Variants in C11orf58 observed in about 807,000 individuals in gnomAD.
The protein encoded by C11orf58 is small acidic protein.
Under a neutral mutation model 22.7 loss-of-function variants are expected in C11orf58, and 5 were observed. That is an observed-to-expected ratio of 0.22 (90% confidence interval 0.12 to 0.46). C11orf58 has a LOEUF of 0.46. C11orf58 is among the 20% of genes least tolerant of loss of function. The pLI is 0.99. For missense variants in C11orf58, 151 were observed against 223.3 expected (o/e 0.68, Z 2.06); for synonymous variants, 71 against 70.7 (o/e 1.00, Z -0.02).
Position 16,748,084 on chromosome 11 carries a change from A to G in C11orf58, c.148-13A>G. 1.9e-6 allele frequency: 3 copies of G among 1,605,958 alleles called. No homozygotes were observed. The highest frequency in any genetic ancestry group is 1.7e-6 in the Non-Finnish European group (2 of 1,172,882). Reference sequence around the variant, plus strand: ...TGGTCTCAAATGCTAATACATTTTCAACCTTCTTATAGAAAGAACATACTG... The same window carrying G: ...TGGTCTCAAATGCTAATACATTTTCGACCTTCTTATAGAAAGAACATACTG... On this transcript the variant is annotated splice_polypyrimidine_tract_variant and intron_variant, in intron 2 of 4. Transcript: ENST00000228136.
chr11:16,748,029 C>T, intron 2 of C11orf58, 68 bp from the exon 3 acceptor site: 3 of 1,212,678 alleles, frequency 2.5e-6, no homozygotes, highest in Admixed American at 3.5e-5. Context: ...GTTTTCAGCA[C>T]ATAGTAGATA....
At chr11:16,739,099 G>C (rs538182379) in intron 1 of C11orf58, among the ~76,000 whole-genome samples, 2 of 152,158 alleles carry the variant, frequency 1.3e-5, no homozygotes, top group Non-Finnish European at 2.9e-5. Context: ...GTCGAGGAGT[G>C]AAAGAGCTTA....
chr11:16,738,902 G>T (rs1848419353), intron 1 of C11orf58, 61 bp downstream of exon 1: 1 of 1,599,360 alleles, frequency 6.3e-7, no homozygotes, highest in East Asian at 2.2e-5. Flanking sequence ...AGTAGGCCGG[G>T]AAGGGTGGTT....
intron 4 of C11orf58, 91 bp from the exon 5 acceptor site, chr11:16,754,780 T>C (rs1286566713): frequency 6.5e-7 from 1 of 1,542,626 alleles, no homozygotes; most frequent in African/African-American, 1.4e-5. Context: ...CAAAGTAGAG[T>C]GTTTCTAAGA....
chr11:16,755,171 T>C lies in C11orf58; in HGVS notation c.*67T>C. 1 of 1,519,288 alleles carries C rather than the reference T, an allele frequency of 6.6e-7. No homozygotes were observed. The highest frequency in any genetic ancestry group is 8.9e-7 in the Non-Finnish European group (1 of 1,119,246). The allele number at this position is 1,519,288 out of a possible 1,614,324, so 94.1% of individuals were successfully genotyped here. On this transcript the variant is annotated 3_prime_UTR_variant, in exon 5 of 5. Coordinates refer to ENST00000228136, the MANE Select transcript of C11orf58 (RefSeq NM_014267.6). ...GTTACAATGCACAGTGGAGGACTGC[T>C]TATAGAGCACAGACCTTTGTATTAT...
intron 3 of C11orf58, chr11:16,749,809 A>G (rs955355022): frequency 6.6e-6 from 1 of 152,224 alleles, no homozygotes; most frequent in South Asian, 2.1e-4. Flanking sequence ...CAGAGACCGT[A>G]ATCAATCAAC....
intron 1 of C11orf58, among the ~76,000 whole-genome samples, 155 bp downstream of exon 1, chr11:16,738,996 T>G (rs1564881871): frequency 6.6e-6 from 1 of 151,936 alleles, no homozygotes; most frequent in Non-Finnish European, 1.5e-5. Context: ...CCTCCCTTAA[T>G]CTTTATGAGG....
intron 1 of C11orf58, among the ~76,000 whole-genome samples, chr11:16,743,981 T>C (rs1474713458): frequency 6.6e-6 from 1 of 151,776 alleles, no homozygotes; most frequent in Non-Finnish European, 1.5e-5. Context: ...TTTCTCTTTG[T>C]TCTTTGGAAG....
rs767700635 is a variant in C11orf58 at position 16,752,767 on chromosome 11, A to G, written c.209-18A>G. ...ATTAATTTGACTGAAACATAACTAA[A>G]GTATCCTGGACATGCAGGGGAAGAA... On this transcript the variant is annotated intron_variant, in intron 3 of 4. Transcript: ENST00000228136. 2.6e-6 allele frequency: 4 copies of G among 1,535,780 alleles called. No homozygotes were observed. In the East Asian group the frequency reaches 9.0e-5, roughly 35 times the overall value.
chr11:16,758,168 T>G lies in C11orf58; in HGVS notation c.*3064T>G, dbSNP rs899742435. On this transcript the variant is annotated 3_prime_UTR_variant, in exon 5 of 5. Transcript: ENST00000228136. ...CGTAGTCTGTTTCCACCTCTGTAAG[T>G]CCTATCTAGGCTTCCTGATCTATCA... 6.6e-6 allele frequency among the ~76,000 whole-genome samples: 1 copy of G among 152,038 alleles called. No individual in the cohort carries two copies. The highest frequency in any genetic ancestry group is 2.4e-5 in the African/African-American group (1 of 41,344).
intron 2 of C11orf58, among the ~76,000 whole-genome samples, chr11:16,745,206 A>G (rs1848478426): frequency 6.6e-6 from 1 of 152,124 alleles, no homozygotes. Flanking sequence ...CACCAGGGGG[A>G]AAGAAAACCT....
intron 1 of C11orf58, chr11:16,744,343 T>C (rs912581823): frequency 1.1e-4 from 46 of 405,000 alleles, no homozygotes; most frequent in African/African-American, 8.2e-4. Context: ...TAACAAGCCC[T>C]CTAGGTGACG....
Position 16,738,811 on chromosome 11 carries a change from G to T in C11orf58, c.33G>T (p.Gly11=). Residue 11 remains glycine (G), a synonymous_variant, in exon 1 of 5, where the codon GGG becomes GGT. Coordinates refer to ENST00000228136, the MANE Select transcript of C11orf58 (RefSeq NM_014267.6). ...CTGCCAGAGAGTCTCACCCGCATGG[G>T]GTGAAGCGTTCAGCCTCCCCAGACG... MSAARESHPH[G]VKRSASPDDD... is the part of the protein sequence containing the mutation. The T allele has an allele frequency of 3.1e-6, 5 of 1,614,110 alleles. No homozygotes were observed. The highest frequency in any genetic ancestry group is 4.2e-6 in the Non-Finnish European group (5 of 1,180,026).
In C11orf58 at chr11:16,755,321, A is replaced by G. The variant is rs1175040652; in HGVS notation, c.*217A>G. 1.4e-5 allele frequency: 6 copies of G among 431,926 alleles called. No homozygotes were observed. Among genetic ancestry groups the G allele is most frequent in the Non-Finnish European group, 2.4e-5 (6 of 246,146 alleles). 26.8% of individuals were successfully genotyped at this position (431,926 alleles called of 1,614,324 possible). A position where few individuals can be genotyped will look rare whatever the true frequency, so the allele number is the denominator to read the frequency against. ...GAGTAAGAGTTGTATAAAATAAGAA[A>G]TAAATACAGTACTCAACTTCCTTTC... On this transcript the variant is annotated 3_prime_UTR_variant, in exon 5 of 5. Coordinates refer to ENST00000228136, the MANE Select transcript of C11orf58 (RefSeq NM_014267.6).
intron 1 of C11orf58, among the ~76,000 whole-genome samples, chr11:16,739,286 ATG>A (rs1848424247): frequency 1.3e-5 from 2 of 152,132 alleles, no homozygotes; most frequent in Admixed American, 1.3e-4. Flanking sequence ...GATTTTTACA[ATG>A]TGCTGTTGAG....
chr11:16,748,412 G>A (rs1848504571), intron 3 of C11orf58: 2 of 253,222 alleles, frequency 7.9e-6, no homozygotes, highest in Non-Finnish European at 1.5e-5. Flanking sequence ...CTGGGCTACA[G>A]AGCAAGACCT....
intron 2 of C11orf58, among the ~76,000 whole-genome samples, chr11:16,746,260 G>A (rs1848486546): frequency 6.6e-6 from 1 of 152,184 alleles, no homozygotes; most frequent in South Asian, 2.1e-4. Context: ...TTTAAATAAA[G>A]CATTTGTATA....
chr11:16,740,296 G>T (rs1164270630), intron 1 of C11orf58, among the ~76,000 whole-genome samples: 1 of 152,208 alleles, frequency 6.6e-6, no homozygotes, highest in African/African-American at 2.4e-5. Flanking sequence ...AAAGTTAAAG[G>T]GATTAAGTCA....
chr11:16,754,462 C>G (rs1049389114), intron 4 of C11orf58, among the ~76,000 whole-genome samples: 5 of 146,708 alleles, frequency 3.4e-5, no homozygotes, highest in Non-Finnish European at 7.4e-5. Flanking sequence ...TCCCGAGTAG[C>G]TAGAACTACA....
Sources: gnomAD v4.1 joint callset for allele counts (sites outside exome capture counted in the v4.1 genomes callset) on GRCh38, gnomAD v4.1.1 for gene constraint, MANE v1.5 for transcripts, NCBI Gene and HGNC (gene_info 2026-07-23, HGNC 2026-07-21) for gene names.